The following CFI variants were observed in gnomAD, a reference collection of about 807,000 sequenced individuals.
CFI encodes complement factor I, also known as C3B/C4B inactivator.
CFI carries 66 observed loss-of-function variants against 78.8 expected under a neutral mutation model. The observed-to-expected ratio is 0.84, with a 90% CI of 0.69 to 1.03. CFI has a LOEUF of 1.03. Among genes scored for constraint, CFI ranks in the 50% least tolerant of loss-of-function variants. The pLI, the probability that CFI is intolerant of heterozygous loss-of-function variation, is 0.00. For synonymous variants in CFI, 250 were observed against 232.6 expected, an observed-to-expected ratio of 1.07 and a Z score of -0.68; for missense variants, 706 against 704.5, an observed-to-expected ratio of 1.00 and a Z score of -0.02.
At chr4:109,795,580 C>G (rs1000066595) in intron 1 of CFI, among the ~76,000 whole-genome samples, 1 of 152,026 alleles carries the variant, frequency 6.6e-6, no homozygotes, top group African/African-American at 2.4e-5. Context: ...GCTCAAAGAG[C>G]TATAAAAGGA....
chr4:109,749,252 C>T lies in CFI; in HGVS notation c.1114G>A (p.Gly372Ser), dbSNP rs760415749. The T allele has an allele frequency of 1.2e-6, 2 of 1,614,138 alleles. No homozygotes were observed. Among genetic ancestry groups the T allele is most frequent in the Non-Finnish European group, 1.7e-6 (2 of 1,180,010 alleles). ...GITCGGIYIG[G>S]CWILTAAHCL... ...TGTGCAGCAGTCAGAATCCAACAGC[C>T]ACCAATATAAATTCCCCCACAGGTG... The change falls in exon 10 of 13, where the codon GGC becomes AGC. Residue 372 changes from glycine (G) to serine (S), a missense_variant. Physicochemically the swap from Gly to Ser is moderately conservative, Grantham distance 56. Coordinates refer to ENST00000394634, the MANE Select transcript of CFI (RefSeq NM_000204.5).
At chr4:109,780,652 T>A (rs1046117421) in intron 1 of CFI, among the ~76,000 whole-genome samples, 1 of 152,186 alleles carries the variant, frequency 6.6e-6, no homozygotes, top group African/African-American at 2.4e-5. Context: ...ACTGGGCATA[T>A]ACCCAAAGAA....
rs780605761 is a variant in CFI at position 109,801,936 on chromosome 4, G to A, written c.36C>T (p.Cys12=). The A allele has an allele frequency of 3.1e-6, 5 of 1,611,870 alleles. No homozygotes were observed. The African/African-American group carries it at 5.3e-5, about 17-fold the overall frequency. Residue 12 remains cysteine, a synonymous_variant, in exon 1 of 13, where the codon TGC becomes TGT. Transcript: ENST00000394634. ...KLLHVFLLFL[C]FHLRFCKVTY... ...TTACCTTGCAAAACCTTAAGTGGAA[G>A]CACAGAAATAACAGGAAAACATGAA...
chr4:109,731,139 G>A, the CFI span, among the ~76,000 whole-genome samples: 1 of 152,310 alleles, frequency 6.6e-6, no homozygotes, highest in East Asian at 1.9e-4. Flanking sequence ...GAGGTCAGAA[G>A]TTCGAGACCA....
chr4:109,733,972 G>A, the CFI span, among the ~76,000 whole-genome samples: 1 of 152,004 alleles, frequency 6.6e-6, no homozygotes, highest in Non-Finnish European at 1.5e-5. Context: ...GAGTTCAAGA[G>A]CAGCCTGGGT....
chr4:109,777,130 C>A (rs189214864), intron 1 of CFI, among the ~76,000 whole-genome samples: 17 of 152,230 alleles, frequency 1.1e-4, no homozygotes, highest in African/African-American at 4.1e-4. Context: ...CAATACTAAC[C>A]TTAAAGGTAA....
intron 1 of CFI, among the ~76,000 whole-genome samples, chr4:109,796,359 G>A (rs1356934810): frequency 6.6e-6 from 1 of 152,136 alleles, no homozygotes; most frequent in African/African-American, 2.4e-5. Context: ...TACATCACCT[G>A]CCTTACAAGA....
intron 1 of CFI, among the ~76,000 whole-genome samples, chr4:109,783,182 CTTAA>C (rs1414072728): frequency 1.3e-5 from 2 of 152,060 alleles, no homozygotes; most frequent in African/African-American, 4.8e-5. Context: ...ATAGCTGGGA[CTTAA>C]TTAAACTAAA....
intron 11 of CFI, 39 bp from the exon 12 acceptor site, chr4:109,742,634 A>G: frequency 7.9e-7 from 1 of 1,263,170 alleles, no homozygotes; most frequent in Non-Finnish European, 1.2e-6. Flanking sequence ...GAAGTCACAA[A>G]TGAGAAATCT....
At chr4:109,759,344 G>T (rs539069413) in intron 6 of CFI, among the ~76,000 whole-genome samples, 11 of 151,814 alleles carry the variant, frequency 7.2e-5, no homozygotes, top group African/African-American at 2.7e-4. Context: ...CTTTAAAAAC[G>T]TAATAACCAA....
intron 1 of CFI, among the ~76,000 whole-genome samples, chr4:109,790,709 C>A (rs1159624667): frequency 1.3e-5 from 2 of 152,028 alleles, no homozygotes; most frequent in African/African-American, 4.8e-5. Context: ...TCTGTTTCTG[C>A]ATTTGTTTAC....
chr4:109,747,590 A>C (rs551784682), intron 10 of CFI, among the ~76,000 whole-genome samples: 2 of 152,342 alleles, frequency 1.3e-5, no homozygotes, highest in South Asian at 4.1e-4. Flanking sequence ...AGGGTGCTAA[A>C]TTATGACCTC....
chr4:109,759,665 G>T (rs962275981), intron 6 of CFI, among the ~76,000 whole-genome samples: 1 of 152,152 alleles, frequency 6.6e-6, no homozygotes, highest in Non-Finnish European at 1.5e-5. Flanking sequence ...CACTTTGGGA[G>T]GCCAAGATCA....
downstream of CFI, among the ~76,000 whole-genome samples, chr4:109,738,317 G>A (rs1357863863): frequency 6.6e-6 from 1 of 151,854 alleles, no homozygotes; most frequent in Non-Finnish European, 1.5e-5. Flanking sequence ...TTGCTATGTT[G>A]CCCAGGCTGG....
At chr4:109,769,925 A>C (rs1282606137) in intron 1 of CFI, among the ~76,000 whole-genome samples, 1 of 152,094 alleles carries the variant, frequency 6.6e-6, no homozygotes, top group African/African-American at 2.4e-5. Context: ...GTCAAGTACT[A>C]GTTCTTTTTT....
chr4:109,757,911 T>C (rs1205782031), intron 6 of CFI, 128 bp from the exon 7 acceptor site: 6 of 1,413,056 alleles, frequency 4.2e-6, no homozygotes, highest in Non-Finnish European at 4.8e-6. Flanking sequence ...GGTAATATAA[T>C]TTTTCTATTA....
intron 1 of CFI, among the ~76,000 whole-genome samples, chr4:109,781,097 G>T (rs1341308271): frequency 2.0e-5 from 3 of 152,042 alleles, no homozygotes; most frequent in Non-Finnish European, 4.4e-5. Flanking sequence ...GTATACATAT[G>T]TAACAAAACT....
intron 1 of CFI, among the ~76,000 whole-genome samples, chr4:109,796,614 C>T (rs1359040135): frequency 6.6e-6 from 1 of 152,092 alleles, no homozygotes; most frequent in Non-Finnish European, 1.5e-5. Flanking sequence ...CTAGTCTGGG[C>T]AACATAGCAA....
intron 1 of CFI, among the ~76,000 whole-genome samples, chr4:109,781,483 C>G (rs548131297): frequency 6.6e-6 from 1 of 152,134 alleles, no homozygotes; most frequent in Non-Finnish European, 1.5e-5. Context: ...CTGAACAGAC[C>G]AATAACAATC....
Sources: gnomAD v4.1 joint callset for allele counts (sites outside exome capture counted in the v4.1 genomes callset) on GRCh38, gnomAD v4.1.1 for gene constraint, MANE v1.5 for transcripts, NCBI Gene and HGNC (gene_info 2026-07-23, HGNC 2026-07-21) for gene names.